NKAIN3: variants seen among roughly 807,000 people sequenced by gnomAD.
NKAIN3 encodes sodium/potassium transporting ATPase interacting 3.
NKAIN3 carries 25 observed loss-of-function variants against 30.2 expected under a neutral mutation model. The ratio of observed to expected loss-of-function variants is 0.83; its 90% CI spans 0.60 to 1.16. The LOEUF (loss-of-function observed/expected upper bound fraction) is 1.16, where lower values mean the gene tolerates loss of function less well. Among genes scored for constraint, NKAIN3 ranks in the 50% most tolerant of loss-of-function variants. NKAIN3 has a pLI of 0.00. For synonymous variants in NKAIN3, 91 were observed against 89.6 expected (o/e 1.02, Z -0.09); for missense variants, 225 against 254.1 (o/e 0.89, Z 0.78).
At chr8:62,644,661 G>A (rs1457968665) in intron 3 of NKAIN3, among the ~76,000 whole-genome samples, 1 of 152,088 alleles carries the variant, frequency 6.6e-6, no homozygotes, top group African/African-American at 2.4e-5. Flanking sequence ...GTGACTAAAA[G>A]GTTAAGTAGT....
chr8:62,330,466 C>A (rs926376692), intron 1 of NKAIN3, among the ~76,000 whole-genome samples: 1 of 151,838 alleles, frequency 6.6e-6, no homozygotes, highest in Non-Finnish European at 1.5e-5. Context: ...AGGTTAGAAT[C>A]GACAGATTTG....
intron 1 of NKAIN3, among the ~76,000 whole-genome samples, chr8:62,324,797 A>G (rs1815059914): frequency 6.6e-6 from 1 of 152,146 alleles, no homozygotes; most frequent in African/African-American, 2.4e-5. Flanking sequence ...CCTACCCGTG[A>G]GAATGAAATG....
At chr8:62,643,224 A>AT (rs1232814576) in intron 3 of NKAIN3, among the ~76,000 whole-genome samples, 1 of 152,142 alleles carries the variant, frequency 6.6e-6, no homozygotes. Flanking sequence ...TACAAGTTAG[A>AT]TATGACTTTA....
At chr8:62,961,122 A>C (rs966334794) in intron 6 of NKAIN3, among the ~76,000 whole-genome samples, 1 of 152,102 alleles carries the variant, frequency 6.6e-6, no homozygotes, top group Non-Finnish European at 1.5e-5. Flanking sequence ...TCCACCAAAA[A>C]ATAAAAAAAT....
At chr8:62,523,172 A>G (rs913576079) in intron 1 of NKAIN3, among the ~76,000 whole-genome samples, 3 of 152,080 alleles carry the variant, frequency 2.0e-5, no homozygotes, top group African/African-American at 4.8e-5. Context: ...TTTAATTACA[A>G]TTTCCTAGAG....
At chr8:62,267,797 T>C (rs1812654009) in intron 1 of NKAIN3, among the ~76,000 whole-genome samples, 1 of 152,218 alleles carries the variant, frequency 6.6e-6, no homozygotes, top group African/African-American at 2.4e-5. Context: ...ATATGTCCCA[T>C]AGATTGTTGG....
intron 1 of NKAIN3, among the ~76,000 whole-genome samples, chr8:62,550,415 G>C (rs999574433): frequency 6.6e-6 from 1 of 152,228 alleles, no homozygotes; most frequent in East Asian, 1.9e-4. Flanking sequence ...GCGTGTGCGC[G>C]TGTGTGTGGT....
intron 1 of NKAIN3, among the ~76,000 whole-genome samples, chr8:62,316,292 T>A (rs902733285): frequency 2.6e-5 from 4 of 152,134 alleles, no homozygotes; most frequent in Admixed American, 6.6e-5. Context: ...GATTTTTTTT[T>A]ATTATACTTT....
At chr8:62,891,341 T>C (rs1224890085) in intron 4 of NKAIN3, among the ~76,000 whole-genome samples, 1 of 152,220 alleles carries the variant, frequency 6.6e-6, no homozygotes, top group Non-Finnish European at 1.5e-5. Context: ...TTTGGACTCT[T>C]GGACTTACAA....
chr8:62,519,256 C>A (rs906668877), intron 1 of NKAIN3, among the ~76,000 whole-genome samples: 4 of 152,098 alleles, frequency 2.6e-5, no homozygotes, highest in Non-Finnish European at 5.9e-5. Context: ...TGATAAAATT[C>A]TCATGATGAT....
At chr8:62,249,280 C>T (rs1180846084) in intron 1 of NKAIN3, among the ~76,000 whole-genome samples, 153 bp downstream of exon 1, 1 of 152,228 alleles carries the variant, frequency 6.6e-6, no homozygotes, top group Non-Finnish European at 1.5e-5. Flanking sequence ...CCTGGCTGGG[C>T]TCGCACTGCT....
intron 3 of NKAIN3, among the ~76,000 whole-genome samples, chr8:62,645,204 A>C (rs10086439): frequency 6.6e-6 from 1 of 152,074 alleles, no homozygotes. Context: ...AGATCACAGA[A>C]TTGAACAGCA....
chr8:62,775,159 T>C (rs913599412), intron 4 of NKAIN3, among the ~76,000 whole-genome samples: 1 of 152,052 alleles, frequency 6.6e-6, no homozygotes, highest in African/African-American at 2.4e-5. Context: ...GGAATTTATC[T>C]AATTCTTCTA....
intron 4 of NKAIN3, chr8:62,857,252 T>G (rs1820090287): frequency 5.0e-6 from 1 of 200,630 alleles, no homozygotes; most frequent in Admixed American, 5.7e-5. Context: ...CTTGCCTTTC[T>G]CTTAACATTA....
chr8:62,450,249 G>GA (rs1407772213), intron 1 of NKAIN3, among the ~76,000 whole-genome samples: 3 of 152,016 alleles, frequency 2.0e-5, no homozygotes, highest in Non-Finnish European at 2.9e-5. Context: ...TTACATTGTT[G>GA]AAAAAATGTT....
At position 62,757,126 on chromosome 8, in the gene NKAIN3, GA is replaced by G. The variant is rs1816478459; in HGVS notation, c.471+9998del. Among the ~76,000 whole-genome samples the G allele has an allele frequency of 2.0e-5, 3 of 152,108 alleles. No homozygotes were observed. In the South Asian group the frequency reaches 6.2e-4, roughly 31 times the overall value. On this transcript the variant is annotated intron_variant, in intron 4 of 6. Coordinates refer to ENST00000623646, the MANE Select transcript of NKAIN3 (RefSeq NM_001304533.3). ...TAATAATTAATCGAGCCAACATGGT[GA>G]CTTAGGGCTTATGGAAATATTAGAG...
At chr8:62,402,504 A>T (rs1803910230) in intron 1 of NKAIN3, among the ~76,000 whole-genome samples, 1 of 152,076 alleles carries the variant, frequency 6.6e-6, no homozygotes, top group Admixed American at 6.5e-5. Flanking sequence ...GAAGTAATTG[A>T]ATCATCGGGG....
chr8:62,853,655 G>A lies in NKAIN3; in HGVS notation c.472-64798G>A, dbSNP rs184648169. Among the ~76,000 whole-genome samples the A allele has an allele frequency of 1.5e-4, 23 of 152,132 alleles. No homozygotes were observed. The East Asian group carries it at 4.3e-3, about 28-fold the overall frequency. On this transcript the variant is annotated intron_variant, in intron 4 of 6. Coordinates refer to ENST00000623646, the MANE Select transcript of NKAIN3 (RefSeq NM_001304533.3). ...ATTTTATTAATTTTCTCCAGGAAAA[G>A]CAGCTCCTGGATTTGTTGATTTTTG...
At chr8:62,915,761 C>T (rs1224441421) in intron 4 of NKAIN3, among the ~76,000 whole-genome samples, 7 of 151,938 alleles carry the variant, frequency 4.6e-5, no homozygotes, top group East Asian at 1.9e-4. Flanking sequence ...AATGTCCCGA[C>T]GTTATGAAAC....
Sources: gnomAD v4.1 joint callset for allele counts (sites outside exome capture counted in the v4.1 genomes callset) on GRCh38, gnomAD v4.1.1 for gene constraint, MANE v1.5 for transcripts, NCBI Gene and HGNC (gene_info 2026-07-23, HGNC 2026-07-21) for gene names.